The following TBC1D19 variants were observed in gnomAD, a reference collection of about 807,000 sequenced individuals.
TBC1D19 encodes TBC1 domain family member 19.
In TBC1D19, 60 loss-of-function variants were observed where a neutral mutation model predicts 89.0. The observed-to-expected ratio is 0.67, with a 90% confidence interval of 0.55 to 0.84. The LOEUF is 0.84. Ranked by LOEUF, TBC1D19 falls within the 40% of genes least tolerant of loss-of-function variation. TBC1D19 has a pLI of 0.00. For synonymous variants in TBC1D19, 189 were observed against 199.7 expected (o/e 0.95, Z 0.45); for missense variants, 500 against 610.8 (o/e 0.82, Z 1.91).
chr4:26,732,800 A>G (rs950668335), intron 15 of TBC1D19, among the ~76,000 whole-genome samples: 1 of 152,196 alleles, frequency 6.6e-6, no homozygotes, highest in African/African-American at 2.4e-5. Flanking sequence ...CACGATTTAG[A>G]GCACAGGTGA....
intron 2 of TBC1D19, 36 bp from the exon 3 acceptor site, chr4:26,614,372 T>C: frequency 7.3e-7 from 1 of 1,362,044 alleles, no homozygotes; most frequent in African/African-American, 1.5e-5. Context: ...TAAAAACTAG[T>C]ATGTTCATAT....
At chr4:26,765,958 G>C in the TBC1D19 span, among the ~76,000 whole-genome samples, 3 of 152,004 alleles carry the variant, frequency 2.0e-5, no homozygotes, top group Non-Finnish European at 4.4e-5. Context: ...AATTCTTTTC[G>C]ATACACAACT....
chr4:26,832,146 G>T, the TBC1D19 span, among the ~76,000 whole-genome samples: 196 of 152,226 alleles, frequency 1.3e-3, no homozygotes, highest in African/African-American at 4.5e-3. Context: ...CTTCCCAGGG[G>T]ATAAGACAAA....
At chr4:26,740,688 T>C (rs1718311767) in intron 17 of TBC1D19, 2 of 985,420 alleles carry the variant, frequency 2.0e-6, no homozygotes, top group Non-Finnish European at 1.2e-6. Context: ...GTTATGCTTT[T>C]TTTCCCCCTT....
At chr4:26,766,756 A>C in the TBC1D19 span, among the ~76,000 whole-genome samples, 13 of 152,218 alleles carry the variant, frequency 8.5e-5, no homozygotes, top group Non-Finnish European at 1.8e-4. Context: ...CTTTGGTAAT[A>C]TTACTTAACC....
At chr4:26,807,698 C>G in the TBC1D19 span, among the ~76,000 whole-genome samples, 2 of 152,226 alleles carry the variant, frequency 1.3e-5, no homozygotes, top group Non-Finnish European at 2.9e-5. Context: ...AGGTCTCTCT[C>G]TAGGTCCTGG....
At chr4:26,664,269 C>T (rs1447223810) in intron 8 of TBC1D19, among the ~76,000 whole-genome samples, 2 of 152,086 alleles carry the variant, frequency 1.3e-5, no homozygotes, top group African/African-American at 4.8e-5. Context: ...AGATGTCATA[C>T]CTGGGGTGAG....
chr4:26,680,486 C>T (rs1430082891), intron 11 of TBC1D19, among the ~76,000 whole-genome samples: 1 of 152,028 alleles, frequency 6.6e-6, no homozygotes, highest in Non-Finnish European at 1.5e-5. Flanking sequence ...CTTTCCTAGC[C>T]ATCTCTCTCT....
At chr4:26,836,759 C>G in the TBC1D19 span, among the ~76,000 whole-genome samples, 1 of 152,190 alleles carries the variant, frequency 6.6e-6, no homozygotes, top group Admixed American at 6.5e-5. Flanking sequence ...TCCAGCAGTT[C>G]CAGCCATGTC....
intron 12 of TBC1D19, among the ~76,000 whole-genome samples, chr4:26,687,520 C>G (rs1713912474): frequency 6.6e-6 from 1 of 152,046 alleles, no homozygotes; most frequent in Non-Finnish European, 1.5e-5. Context: ...GTTCATTTTT[C>G]TAGACTTTTG....
chr4:26,819,600 C>T, the TBC1D19 span, among the ~76,000 whole-genome samples: 1 of 152,338 alleles, frequency 6.6e-6, no homozygotes, highest in East Asian at 1.9e-4. Flanking sequence ...CCTGCCTCTG[C>T]TCTTGTCACC....
intron 1 of TBC1D19, among the ~76,000 whole-genome samples, chr4:26,611,719 C>T (rs1346078390): frequency 1.3e-5 from 2 of 151,990 alleles, no homozygotes; most frequent in African/African-American, 4.8e-5. Context: ...GAATCATTTC[C>T]CCTCATTTAC....
In TBC1D19 at chr4:26,742,602, G is replaced by A. The variant is rs376495096; in HGVS notation, c.1319+3G>A. The A allele has an allele frequency of 4.4e-4, 714 of 1,610,114 alleles. 8 individuals are homozygous for A. In the South Asian group the frequency reaches 7.5e-3, roughly 17 times the overall value. Reference sequence around the variant, plus strand: ...CTACGAGAAATTGGGGCTCAACCGTGAGTACTTTTCTCTCCTAATTGAAGA... The same window carrying A: ...CTACGAGAAATTGGGGCTCAACCGTAAGTACTTTTCTCTCCTAATTGAAGA... On this transcript the variant is annotated splice_donor_region_variant and intron_variant, in intron 18 of 20. Coordinates refer to ENST00000264866, the MANE Select transcript of TBC1D19 (RefSeq NM_018317.4).
In TBC1D19 at chr4:26,592,984, GC is replaced by G. The variant is rs991293964; in HGVS notation, c.99+8693del. On this transcript the variant is annotated intron_variant, in intron 1 of 20. Transcript: ENST00000264866. Reference sequence around the variant, plus strand: ...GACTTTCTTCACAGAATTGGAAAAAGCTACTTTAAAGTTCATATGGAACCAA... The same window carrying G: ...GACTTTCTTCACAGAATTGGAAAAAGTACTTTAAAGTTCATATGGAACCAA... 2.9e-3 allele frequency among the ~76,000 whole-genome samples: 435 copies of G among 151,272 alleles called. 3 individuals are homozygous for G. The highest frequency in any genetic ancestry group is 0.01 in the African/African-American group (419 of 41,394).
chr4:26,832,365 A>G, the TBC1D19 span, among the ~76,000 whole-genome samples: 1 of 152,200 alleles, frequency 6.6e-6, no homozygotes, highest in Admixed American at 6.5e-5. Context: ...CATTGCAAAC[A>G]CATGCATGTT....
the TBC1D19 span, among the ~76,000 whole-genome samples, chr4:26,791,425 C>T: frequency 6.6e-6 from 1 of 152,052 alleles, no homozygotes; most frequent in African/African-American, 2.4e-5. Flanking sequence ...GCTGGCTTTT[C>T]CCTGAAGTGG....
At chr4:26,675,465 C>T (rs1003366905) in intron 11 of TBC1D19, among the ~76,000 whole-genome samples, 1 of 151,952 alleles carries the variant, frequency 6.6e-6, no homozygotes, top group African/African-American at 2.4e-5. Flanking sequence ...TTTCTAATTG[C>T]AAAGTGACAA....
At chr4:26,696,436 T>C (rs1305175022) in intron 13 of TBC1D19, among the ~76,000 whole-genome samples, 1 of 152,112 alleles carries the variant, frequency 6.6e-6, no homozygotes, top group East Asian at 1.9e-4. Context: ...ACTGTCAACA[T>C]TAGACAGATC....
the TBC1D19 span, among the ~76,000 whole-genome samples, chr4:26,831,747 C>A: frequency 6.6e-6 from 1 of 151,838 alleles, no homozygotes; most frequent in African/African-American, 2.4e-5. Flanking sequence ...CATGCCACCA[C>A]GCCTGGCTAA....
Sources: allele counts gnomAD v4.1 joint callset (sites outside exome capture counted in the v4.1 genomes callset), GRCh38; gene constraint gnomAD v4.1.1; transcripts MANE v1.5; gene names NCBI Gene and HGNC (gene_info 2026-07-23, HGNC 2026-07-21).